The following FAM117A variants were observed in gnomAD, a reference collection of about 807,000 sequenced individuals.
FAM117A encodes the protein protein FAM117A.
In FAM117A, 21 loss-of-function variants were observed where a neutral mutation model predicts 44.1. That is an observed-to-expected ratio of 0.48 (90% CI 0.34 to 0.69). FAM117A has a LOEUF of 0.69. Ranked by LOEUF, FAM117A falls within the 30% of genes least tolerant of loss-of-function variation. FAM117A has a pLI of 0.01. For missense variants in FAM117A, 498 were observed against 589.9 expected (o/e 0.84, Z 1.61); for synonymous variants, 220 against 238.3 (o/e 0.92, Z 0.71).
At chr17:49,746,878 A>C (rs1321440578) in intron 1 of FAM117A, among the ~76,000 whole-genome samples, 3 of 152,158 alleles carry the variant, frequency 2.0e-5, no homozygotes. Context: ...TTAGAATAAG[A>C]GGGAGTCTAG....
chr17:49,713,551 C>T (rs951172212), intron 7 of FAM117A, among the ~76,000 whole-genome samples: 11 of 151,912 alleles, frequency 7.2e-5, no homozygotes, highest in Admixed American at 2.0e-4. Flanking sequence ...CTGTTGTCCA[C>T]GCTGGAGTGC....
chr17:49,727,965 G>A (rs2073567576), intron 2 of FAM117A, among the ~76,000 whole-genome samples: 1 of 152,220 alleles, frequency 6.6e-6, no homozygotes, highest in African/African-American at 2.4e-5. Context: ...CAGGGAATCA[G>A]TCCCTTAGGT....
intron 1 of FAM117A, among the ~76,000 whole-genome samples, chr17:49,774,069 A>G (rs913473265): frequency 1.4e-4 from 22 of 151,968 alleles, no homozygotes; most frequent in African/African-American, 2.4e-5. Context: ...GTAGCTTTAT[A>G]ATTTCTCCAA....
upstream of FAM117A, among the ~76,000 whole-genome samples, chr17:49,769,067 G>A (rs562286442): frequency 1.3e-5 from 2 of 151,976 alleles, no homozygotes; most frequent in South Asian, 2.1e-4. Flanking sequence ...AGGCTGAGGC[G>A]GGCAGATCAC....
chr17:49,724,401 T>A (rs2073549657), intron 2 of FAM117A: 2 of 455,988 alleles, frequency 4.4e-6, no homozygotes. Flanking sequence ...CACAGGTGGG[T>A]GGTAACAGAG....
intron 1 of FAM117A, among the ~76,000 whole-genome samples, chr17:49,754,453 C>T (rs150791691): frequency 5.0e-4 from 76 of 152,030 alleles, no homozygotes; most frequent in African/African-American, 1.7e-3. Flanking sequence ...TACAGGAGCC[C>T]ACCACCACGC....
chr17:49,784,069 G>T (rs1313473489), intron 1 of FAM117A, among the ~76,000 whole-genome samples: 1 of 152,220 alleles, frequency 6.6e-6, no homozygotes, highest in Non-Finnish European at 1.5e-5. Context: ...GGCCATCCAG[G>T]CAAGGCTCCT....
intron 7 of FAM117A, 30 bp downstream of exon 7, chr17:49,716,135 T>G (rs1292278604): frequency 5.6e-6 from 5 of 889,754 alleles, no homozygotes; most frequent in East Asian, 3.5e-5. Flanking sequence ...CACCCTCCCC[T>G]CCCACACCCT....
At chr17:49,768,714 G>A (rs764584070), upstream of FAM117A, among the ~76,000 whole-genome samples, 4 of 152,102 alleles carry the variant, frequency 2.6e-5, no homozygotes, top group Non-Finnish European at 5.9e-5. Context: ...GAGGTTATGG[G>A]AACAGAGTAG....
intron 5 of FAM117A, among the ~76,000 whole-genome samples, chr17:49,718,308 G>A (rs1249652271): frequency 6.6e-6 from 1 of 152,224 alleles, no homozygotes; most frequent in Non-Finnish European, 1.5e-5. Context: ...TGAGAAGTGT[G>A]CCCATTAGAA....
chr17:49,738,902 A>G (rs988246738), intron 1 of FAM117A, among the ~76,000 whole-genome samples: 1 of 152,258 alleles, frequency 6.6e-6, no homozygotes, highest in Non-Finnish European at 1.5e-5. Flanking sequence ...TTTGGACATC[A>G]AAATTGGTTA....
intron 1 of FAM117A, among the ~76,000 whole-genome samples, chr17:49,769,370 C>A (rs2073754315): frequency 6.6e-6 from 1 of 151,926 alleles, no homozygotes; most frequent in African/African-American, 2.4e-5. Context: ...AGTTTTCAAA[C>A]AGGTAAAGGG....
At chr17:49,783,507 C>A (rs1338370494) in intron 1 of FAM117A, among the ~76,000 whole-genome samples, 1 of 151,910 alleles carries the variant, frequency 6.6e-6, no homozygotes, top group Non-Finnish European at 1.5e-5. Context: ...GTGCCTGAGC[C>A]TGCTGGGATC....
At chr17:49,762,673 A>C (rs542296754) in intron 1 of FAM117A, among the ~76,000 whole-genome samples, 1 of 152,330 alleles carries the variant, frequency 6.6e-6, no homozygotes, top group South Asian at 2.1e-4. Context: ...GGTTTAGAGA[A>C]TGTCATTAAC....
intron 2 of FAM117A, among the ~76,000 whole-genome samples, chr17:49,727,749 A>G (rs1027312875): frequency 6.6e-6 from 1 of 152,214 alleles, no homozygotes; most frequent in African/African-American, 2.4e-5. Context: ...CTCCAGCCCA[A>G]AAGTTTCTAC....
intron 1 of FAM117A, among the ~76,000 whole-genome samples, chr17:49,737,080 T>G (rs1024757520): frequency 2.0e-5 from 3 of 152,158 alleles, no homozygotes; most frequent in African/African-American, 7.2e-5. Context: ...CCACTTGGAG[T>G]AAAGATCCCA....
chr17:49,729,558 G>A (rs894999952), intron 2 of FAM117A, among the ~76,000 whole-genome samples: 4 of 148,590 alleles, frequency 2.7e-5, no homozygotes, highest in African/African-American at 1.0e-4. Flanking sequence ...CCAGGCTGGA[G>A]TGCAGTGGCA....
intron 1 of FAM117A, among the ~76,000 whole-genome samples, chr17:49,786,139 T>A (rs186816177): frequency 6.6e-6 from 1 of 152,234 alleles, no homozygotes; most frequent in East Asian, 1.9e-4. Flanking sequence ...TTCCTTATGA[T>A]CATGTTTCTA....
At chr17:49,764,155 T>A, upstream of FAM117A, 1 of 786,370 alleles carries the variant, frequency 1.3e-6, no homozygotes, top group Non-Finnish European at 1.8e-6. Flanking sequence ...CCGAGGCCGC[T>A]GCTTATCTGC....
Sources: gnomAD v4.1 joint callset for allele counts (sites outside exome capture counted in the v4.1 genomes callset) on GRCh38, gnomAD v4.1.1 for gene constraint, MANE v1.5 for transcripts, NCBI Gene and HGNC (gene_info 2026-07-23, HGNC 2026-07-21) for gene names.